The following NAA15 variants were observed in gnomAD, a reference collection of about 807,000 sequenced individuals.
The protein encoded by NAA15 is N-terminal acetyltransferase.
Under a neutral mutation model 114.0 loss-of-function variants are expected in NAA15, and 34 were observed. The observed-to-expected ratio is 0.30, with a 90% confidence interval of 0.23 to 0.40. The LOEUF (loss-of-function observed/expected upper bound fraction) is 0.40. Among genes scored for constraint, NAA15 ranks in the 10% least tolerant of loss-of-function variants. The probability of loss-of-function intolerance (pLI) is 1.00; values close to 1 mark genes in which losing one functional copy is unlikely to be tolerated. For missense variants in NAA15, 658 were observed against 1,004.5 expected (o/e 0.66, Z 4.66); for synonymous variants, 340 against 338.0 (o/e 1.01, Z -0.06).
intron 3 of NAA15, 54 bp downstream of exon 3, chr4:139,337,006 A>T: frequency 2.6e-6 from 3 of 1,160,688 alleles, no homozygotes; most frequent in Non-Finnish European, 3.7e-6. Flanking sequence ...GAGCTAAGGC[A>T]GCAATTTGAG....
At chr4:139,344,140 T>A in intron 5 of NAA15, 46 bp from the exon 6 acceptor site, 1 of 1,471,458 alleles carries the variant, frequency 6.8e-7, no homozygotes, top group South Asian at 1.4e-5. Context: ...TTTTCTGATA[T>A]GAAAATAAAA....
At position 139,301,708 on chromosome 4, in the gene NAA15, A is replaced by C. The variant is rs945728702; in HGVS notation, c.-70A>C. On this transcript the variant is annotated 5_prime_UTR_variant, in exon 1 of 20. Coordinates refer to ENST00000296543, the MANE Select transcript of NAA15 (RefSeq NM_057175.5). ...AAGGCTGAAGCAGCTACGGAACGGC[A>C]GCGGCGGCGGTCGGACAAACTGACT... 6.6e-6 allele frequency: 10 copies of C among 1,509,654 alleles called. No homozygotes were observed. Among genetic ancestry groups the C allele is most frequent in the Non-Finnish European group, 9.0e-6 (10 of 1,116,450 alleles). 93.5% of individuals were successfully genotyped at this position (1,509,654 alleles called of 1,614,324 possible).
intron 1 of NAA15, among the ~76,000 whole-genome samples, chr4:139,325,465 C>T (rs1746766149): frequency 6.6e-6 from 1 of 152,028 alleles, no homozygotes; most frequent in African/African-American, 2.4e-5. Flanking sequence ...AGGATTAAAC[C>T]TTTTGTGCTT....
intron 17 of NAA15, among the ~76,000 whole-genome samples, chr4:139,382,822 G>A (rs1246143749): frequency 2.0e-5 from 3 of 152,082 alleles, no homozygotes; most frequent in Non-Finnish European, 4.4e-5. Flanking sequence ...CCAACAAAGA[G>A]CATGTCAGTG....
At chr4:139,327,983 T>A (rs1746858461) in intron 1 of NAA15, among the ~76,000 whole-genome samples, 1 of 152,180 alleles carries the variant, frequency 6.6e-6, no homozygotes, top group South Asian at 2.1e-4. Flanking sequence ...CACATTTAGA[T>A]CTGCAGTGTT....
chr4:139,307,666 T>G (rs1047716027), intron 1 of NAA15, among the ~76,000 whole-genome samples: 4 of 152,204 alleles, frequency 2.6e-5, no homozygotes, highest in Non-Finnish European at 5.9e-5. Context: ...TCACATGTGG[T>G]GAATGGTTAC....
intron 1 of NAA15, chr4:139,318,305 A>G (rs1381169719): frequency 2.0e-5 from 3 of 152,152 alleles, no homozygotes; most frequent in Non-Finnish European, 4.4e-5. Context: ...ATTTGGAAAA[A>G]TAAAAATTTA....
intron 1 of NAA15, 41 bp from the exon 2 acceptor site, chr4:139,334,133 A>G (rs769389104): frequency 2.4e-6 from 3 of 1,275,378 alleles, no homozygotes; most frequent in South Asian, 1.4e-5. Flanking sequence ...AGTTGTTTGT[A>G]TTCCTTGCTA....
At chr4:139,314,240 T>C (rs942443962) in intron 1 of NAA15, among the ~76,000 whole-genome samples, 3 of 151,800 alleles carry the variant, frequency 2.0e-5, no homozygotes, top group African/African-American at 7.3e-5. Context: ...TGTGGTTCAT[T>C]GTGGCTCACA....
Position 139,388,579 on chromosome 4 carries a change from C to T in NAA15, c.*495C>T. On this transcript the variant is annotated 3_prime_UTR_variant, in exon 20 of 20. Coordinates refer to ENST00000296543, the MANE Select transcript of NAA15 (RefSeq NM_057175.5). ...GTTGATTCTGACCATAGGAAGTATGCAATGTGAATCACTATTTACAGAGAA... is the reference window on the plus strand; with the variant it reads ...GTTGATTCTGACCATAGGAAGTATGTAATGTGAATCACTATTTACAGAGAA... 1 of 155,256 alleles carries T rather than the reference C, an allele frequency of 6.4e-6. No individual in the cohort carries two copies. The highest frequency in any genetic ancestry group is 6.4e-5 in the Admixed American group (1 of 15,744). The allele number at this position is 155,256 out of a possible 1,614,324, so 9.6% of individuals were successfully genotyped here.
At chr4:139,345,448 A>G (rs1747549035) in intron 6 of NAA15, among the ~76,000 whole-genome samples, 1 of 152,222 alleles carries the variant, frequency 6.6e-6, no homozygotes, top group Non-Finnish European at 1.5e-5. Flanking sequence ...AAATTATTTC[A>G]TTTGATCCCT....
chr4:139,301,726 AACTG>A lies in NAA15; in HGVS notation c.-45_-42del, dbSNP rs1271039827. On this transcript the variant is annotated 5_prime_UTR_variant, in exon 1 of 20. Transcript: ENST00000296543. ...GAACGGCAGCGGCGGCGGTCGGACA[AACTG>A]ACTGACCGAGCCGGGTGGTGGCGGG... 21 of 1,532,762 alleles carry A rather than the reference AACTG, an allele frequency of 1.4e-5. No individual in the cohort carries two copies. Among genetic ancestry groups the A allele is most frequent in the African/African-American group, 2.8e-5 (2 of 72,432 alleles). The allele number at this position is 1,532,762 out of a possible 1,614,324, so 94.9% of individuals were successfully genotyped here. A position where few individuals can be genotyped will look rare whatever the true frequency, so the allele number is the denominator to read the frequency against.
intron 1 of NAA15, among the ~76,000 whole-genome samples, chr4:139,320,641 C>T (rs1374242094): frequency 1.3e-5 from 2 of 152,206 alleles, no homozygotes; most frequent in East Asian, 3.8e-4. Context: ...CTGCCTCTGC[C>T]TCCTGAGCCG....
At chr4:139,333,155 T>G (rs964086821) in intron 1 of NAA15, among the ~76,000 whole-genome samples, 4 of 64,442 alleles carry the variant, frequency 6.2e-5, no homozygotes, top group South Asian at 8.8e-4. Flanking sequence ...ATAGATGCAG[T>G]TTTTTTTTTT....
chr4:139,327,363 C>G (rs549751858), intron 1 of NAA15, among the ~76,000 whole-genome samples: 1 of 152,182 alleles, frequency 6.6e-6, no homozygotes, highest in Admixed American at 6.6e-5. Flanking sequence ...GATTCTCATG[C>G]CTCAGCCTCC....
intron 1 of NAA15, among the ~76,000 whole-genome samples, chr4:139,328,823 C>G (rs1443679248): frequency 6.6e-6 from 1 of 150,978 alleles, no homozygotes; most frequent in Non-Finnish European, 1.5e-5. Context: ...GCCTCTGCCT[C>G]CCAGCGTGTT....
chr4:139,383,750 T>TTG (rs1748815870), intron 17 of NAA15, among the ~76,000 whole-genome samples: 1 of 152,208 alleles, frequency 6.6e-6, no homozygotes, highest in Non-Finnish European at 1.5e-5. Context: ...GGATTACAGG[T>TTG]GTGAGCCACC....
chr4:139,349,360 A>AT (rs1430957822), intron 6 of NAA15, 102 bp from the exon 7 acceptor site: 31 of 1,100,724 alleles, frequency 2.8e-5, no homozygotes, highest in Non-Finnish European at 3.8e-5. Flanking sequence ...AGCAGCACTG[A>AT]TTTATAATGA....
intron 17 of NAA15, among the ~76,000 whole-genome samples, chr4:139,380,569 C>T (rs1053367252): frequency 9.2e-5 from 14 of 152,082 alleles, no homozygotes; most frequent in African/African-American, 3.4e-4. Context: ...CAGTTGGTTT[C>T]AGAAAATTAA....
Sources: gnomAD v4.1 joint callset for allele counts (sites outside exome capture counted in the v4.1 genomes callset) on GRCh38, gnomAD v4.1.1 for gene constraint, MANE v1.5 for transcripts, NCBI Gene and HGNC (gene_info 2026-07-23, HGNC 2026-07-21) for gene names.